The following CAPN3 variants were observed in gnomAD, a reference collection of about 807,000 sequenced individuals.
CAPN3 encodes the protein calpain 3.
CAPN3 carries 88 observed loss-of-function variants against 114.0 expected under a neutral mutation model. That is an observed-to-expected ratio of 0.77 (90% CI 0.65 to 0.92). The LOEUF is 0.92. Ranked by LOEUF, CAPN3 falls within the 40% of genes least tolerant of loss-of-function variation. CAPN3 has a pLI of 0.00. For missense variants in CAPN3, 1,028 were observed against 1,069.0 expected, an observed-to-expected ratio of 0.96 and a Z score of 0.53; for synonymous variants, 386 against 382.9, an observed-to-expected ratio of 1.01 and a Z score of -0.09.
intron 16 of CAPN3, 109 bp from the exon 17 acceptor site, chr15:42,409,194 C>A: frequency 1.1e-6 from 1 of 943,964 alleles, no homozygotes; most frequent in Non-Finnish European, 1.7e-6. Context: ...GCTCCTGCTG[C>A]CACCTCCGGC....
intron 1 of CAPN3, among the ~76,000 whole-genome samples, chr15:42,366,366 C>G (rs1037916801): frequency 6.6e-6 from 1 of 152,138 alleles, no homozygotes; most frequent in Non-Finnish European, 1.5e-5. Flanking sequence ...GGTCTCTTGC[C>G]CCTTCCCAAG....
At chr15:42,366,059 G>A (rs2052769111) in intron 1 of CAPN3, among the ~76,000 whole-genome samples, 1 of 152,162 alleles carries the variant, frequency 6.6e-6, no homozygotes, top group African/African-American at 2.4e-5. Flanking sequence ...GGTGTCCATG[G>A]AAGGTCATGA....
intron 6 of CAPN3, 53 bp from the exon 7 acceptor site, chr15:42,392,586 G>A (rs528009772): frequency 7.1e-7 from 1 of 1,405,704 alleles, no homozygotes; most frequent in African/African-American, 1.4e-5. Flanking sequence ...CCTCCAAGCA[G>A]CAGAACTTCT....
intron 15 of CAPN3, among the ~76,000 whole-genome samples, chr15:42,406,445 G>C (rs2054024461): frequency 1.3e-5 from 2 of 152,160 alleles, no homozygotes; most frequent in Admixed American, 1.3e-4. Context: ...GCCCAGACCA[G>C]AGCTGACACT....
At chr15:42,365,310 G>A (rs893309780) in intron 1 of CAPN3, among the ~76,000 whole-genome samples, 1 of 152,102 alleles carries the variant, frequency 6.6e-6, no homozygotes, top group Non-Finnish European at 1.5e-5. Flanking sequence ...GCCCTGAATC[G>A]GAGTCAAAAC....
chr15:42,409,631 C>T (rs1012964438), intron 17 of CAPN3, among the ~76,000 whole-genome samples, 156 bp from the exon 18 acceptor site: 2 of 152,128 alleles, frequency 1.3e-5, no homozygotes, highest in African/African-American at 4.8e-5. Flanking sequence ...CAGTATCTGG[C>T]CCCCTGTCTT....
chr15:42,408,044 A>G (rs535551796), intron 15 of CAPN3, among the ~76,000 whole-genome samples, 167 bp from the exon 16 acceptor site: 54 of 152,340 alleles, frequency 3.5e-4, no homozygotes, highest in Non-Finnish European at 6.0e-4. Context: ...CTGAAGTCAC[A>G]CGGCTTGTCA....
At chr15:42,367,580 G>A (rs902351404) in intron 1 of CAPN3, among the ~76,000 whole-genome samples, 25 of 152,146 alleles carry the variant, frequency 1.6e-4, no homozygotes, top group Non-Finnish European at 2.9e-4. Flanking sequence ...CCAAAAATGG[G>A]AACTACTTTC....
At chr15:42,383,802 AC>A (rs1178043314) in intron 1 of CAPN3, among the ~76,000 whole-genome samples, 1 of 151,448 alleles carries the variant, frequency 6.6e-6, no homozygotes, top group African/African-American at 2.4e-5. Context: ...TGAACTCCTG[AC>A]CTCAAGTGAT....
At chr15:42,404,700 G>T (rs1431565881) in intron 14 of CAPN3, 1 of 1,178,530 alleles carries the variant, frequency 8.5e-7, no homozygotes, top group Non-Finnish European at 1.1e-6. Context: ...ACAGTCCTTT[G>T]TGCTCTGTGG....
chr15:42,410,588 A>G lies in CAPN3; in HGVS notation c.2185A>G (p.Lys729Glu). The G allele has an allele frequency of 6.2e-7, 1 of 1,614,098 alleles. No homozygotes were observed. The highest frequency in any genetic ancestry group is 1.1e-5 in the South Asian group (1 of 91,080). ...HLWNKIKAWQKIFKHYDTDQS... is the reference protein window; with the variant it reads ...HLWNKIKAWQEIFKHYDTDQS... ...CCATCCTCAAATTTTCTATTGCCAGAAAATTTTCAAACACTATGACACAGA... is the reference window on the plus strand; with the variant it reads ...CCATCCTCAAATTTTCTATTGCCAGGAAATTTTCAAACACTATGACACAGA... The change falls in exon 21 of 24, where the codon AAA becomes GAA. Residue 729 changes from lysine to glutamate, a missense_variant and splice_region_variant. Physicochemically the swap from Lys to Glu is moderately conservative, Grantham distance 56. Transcript: ENST00000397163.
At chr15:42,371,330 G>A (rs957331287) in intron 1 of CAPN3, among the ~76,000 whole-genome samples, 10 of 152,180 alleles carry the variant, frequency 6.6e-5, no homozygotes, top group Non-Finnish European at 1.3e-4. Flanking sequence ...GGACAGAGCT[G>A]TAGACATCAT....
At chr15:42,387,158 G>A (rs920846519) in intron 3 of CAPN3, among the ~76,000 whole-genome samples, 4 of 152,210 alleles carry the variant, frequency 2.6e-5, no homozygotes, top group African/African-American at 9.6e-5. Flanking sequence ...GGGAGAAAGT[G>A]CCATTGAAAA....
In CAPN3 at chr15:42,409,928, C is replaced by G. The variant is rs201294691; in HGVS notation, c.2051-3C>G. On this transcript the variant is annotated splice_region_variant and splice_polypyrimidine_tract_variant and intron_variant, in intron 18 of 23. Coordinates refer to ENST00000397163, the MANE Select transcript of CAPN3 (RefSeq NM_000070.3). The stretch of plus-strand genomic sequence containing the variant: ...AGCTCCTCACTCTTCTCCATCCCCC[C>G]AGACAAGGACCTGAAGACACACGGG... 1 of 1,612,558 alleles carries G rather than the reference C, an allele frequency of 6.2e-7. No individual in the cohort carries two copies. Among genetic ancestry groups the G allele is most frequent in the Non-Finnish European group, 8.5e-7 (1 of 1,179,842 alleles).
intron 9 of CAPN3, among the ~76,000 whole-genome samples, chr15:42,398,590 T>TACACACACAC (rs376966106): frequency 2.7e-4 from 33 of 120,344 alleles, no homozygotes; most frequent in Non-Finnish European, 4.6e-4. Context: ...TCTCAAAAAA[T>TACACACACAC]ACACACACAC....
In CAPN3 at chr15:42,386,307, T is replaced by G. The variant is rs185202757; in HGVS notation, c.498+22T>G. ...CCAGGTGAGGTAATGAGAGTGTAGT[T>G]AAGAGGGCCAGCGGCAGGCCACCCA... On this transcript the variant is annotated intron_variant, in intron 3 of 23. Coordinates refer to ENST00000397163, the MANE Select transcript of CAPN3 (RefSeq NM_000070.3). The G allele has an allele frequency of 2.5e-5, 39 of 1,539,958 alleles. No homozygotes were observed. In the African/African-American group the frequency reaches 4.9e-4, roughly 19 times the overall value.
chr15:42,393,088 A>C (rs1360769966), intron 7 of CAPN3, among the ~76,000 whole-genome samples: 1 of 152,072 alleles, frequency 6.6e-6, no homozygotes, highest in Non-Finnish European at 1.5e-5. Flanking sequence ...AGCCACGGGG[A>C]CTGGTTCCAG....
At position 42,412,002 on chromosome 15, in the gene CAPN3, C is replaced by T. The variant is rs541181761; in HGVS notation, c.*229C>T. 7 of 1,508,784 alleles carry T rather than the reference C, an allele frequency of 4.6e-6. No individual in the cohort carries two copies. In the South Asian group the frequency reaches 6.5e-5, roughly 14 times the overall value. 93.5% of individuals were successfully genotyped at this position (1,508,784 alleles called of 1,614,324 possible). A position where few individuals can be genotyped will look rare whatever the true frequency, so the allele number is the denominator to read the frequency against. On this transcript the variant is annotated 3_prime_UTR_variant, in exon 24 of 24. Coordinates refer to ENST00000397163, the MANE Select transcript of CAPN3 (RefSeq NM_000070.3). ...GAGGTAGGAAGAACAAACCCTTGTCCCTTTGCCATGTGGAGGAAAGTGCCT... is the reference window on the plus strand; with the variant it reads ...GAGGTAGGAAGAACAAACCCTTGTCTCTTTGCCATGTGGAGGAAAGTGCCT...
rs559594409 is a variant in CAPN3, at chr15:42,382,557, C to T, written c.310-1926C>T. ...CTAATCCTTTTAATCTTTGTAGAGA[C>T]GGGGTCTCACTATGTTGCCCAGACT... On this transcript the variant is annotated intron_variant, in intron 1 of 23. Transcript: ENST00000397163. 5.3e-5 allele frequency among the ~76,000 whole-genome samples: 8 copies of T among 152,186 alleles called. 1 individual carries two copies. Among genetic ancestry groups the T allele is most frequent in the Admixed American group, 4.6e-4 (7 of 15,270 alleles).
Sources: allele counts gnomAD v4.1 joint callset (sites outside exome capture counted in the v4.1 genomes callset), GRCh38; gene constraint gnomAD v4.1.1; transcripts MANE v1.5; gene names NCBI Gene and HGNC (gene_info 2026-07-23, HGNC 2026-07-21).